Variants in SYN3 observed in about 807,000 individuals in gnomAD.
SYN3 encodes synapsin III, also known as synapsin-3.
SYN3 carries 35 observed loss-of-function variants against 65.8 expected under a neutral mutation model. That is an observed-to-expected ratio of 0.53 (90% CI 0.41 to 0.70). The LOEUF (loss-of-function observed/expected upper bound fraction) is 0.70. Ranked by LOEUF, SYN3 falls within the 30% of genes least tolerant of loss-of-function variation. SYN3 has a pLI of 0.00. For missense variants in SYN3, 680 were observed against 749.0 expected, an observed-to-expected ratio of 0.91 and a Z score of 1.08; for synonymous variants, 270 against 292.9, an observed-to-expected ratio of 0.92 and a Z score of 0.80.
intron 6 of SYN3, among the ~76,000 whole-genome samples, chr22:32,652,742 G>A (rs184806495): frequency 1.3e-5 from 2 of 152,062 alleles, no homozygotes; most frequent in South Asian, 2.1e-4. Flanking sequence ...AGAAATTGAC[G>A]CCCAAAGGGA....
At chr22:33,000,289 C>T (rs897126356) in intron 2 of SYN3, among the ~76,000 whole-genome samples, 1 of 152,208 alleles carries the variant, frequency 6.6e-6, no homozygotes, top group Non-Finnish European at 1.5e-5. Context: ...CCAGGCCTTA[C>T]ATCCTTGCCT....
chr22:32,912,568 T>G (rs765711080), intron 4 of SYN3, among the ~76,000 whole-genome samples: 12 of 151,628 alleles, frequency 7.9e-5, no homozygotes, highest in Admixed American at 7.2e-4. Flanking sequence ...AAAATAATAA[T>G]AAATTAGCCA....
chr22:32,649,979 C>T (rs1042305658), intron 6 of SYN3, among the ~76,000 whole-genome samples: 2 of 152,106 alleles, frequency 1.3e-5, no homozygotes, highest in African/African-American at 4.8e-5. Context: ...AGAAGGGGCT[C>T]ATGACTAGTA....
intron 3 of SYN3, among the ~76,000 whole-genome samples, chr22:32,974,866 T>C (rs2052136128): frequency 1.3e-5 from 2 of 152,152 alleles, no homozygotes; most frequent in South Asian, 4.1e-4. Flanking sequence ...GGAATAAAAT[T>C]TATTTCATCA....
intron 1 of SYN3, among the ~76,000 whole-genome samples, chr22:33,023,577 G>A (rs967348972): frequency 2.6e-5 from 4 of 152,154 alleles, no homozygotes; most frequent in Non-Finnish European, 5.9e-5. Context: ...TTTGCCATGG[G>A]TGGTGACACA....
intron 6 of SYN3, among the ~76,000 whole-genome samples, chr22:32,831,208 GT>G (rs1382962238): frequency 1.3e-5 from 2 of 152,138 alleles, no homozygotes; most frequent in Non-Finnish European, 2.9e-5. Context: ...GCTCCTTCCT[GT>G]TTTAAAAACA....
chr22:32,738,564 C>A (rs2061362597), intron 6 of SYN3, among the ~76,000 whole-genome samples: 1 of 152,158 alleles, frequency 6.6e-6, no homozygotes, highest in African/African-American at 2.4e-5. Context: ...CTGTTGGCTT[C>A]CTGTTGTTCT....
intron 3 of SYN3, among the ~76,000 whole-genome samples, chr22:32,937,195 G>C (rs950629985): frequency 6.6e-6 from 1 of 152,124 alleles, no homozygotes; most frequent in African/African-American, 2.4e-5. Flanking sequence ...AGAAATGGAA[G>C]TTAAAACAAC....
At chr22:32,929,010 C>T (rs537379107) in intron 4 of SYN3, among the ~76,000 whole-genome samples, 140 of 152,264 alleles carry the variant, frequency 9.2e-4, no homozygotes, top group Admixed American at 2.0e-3. Context: ...CGGCTGGTCG[C>T]GGTGGCTCAC....
chr22:32,630,597 T>G (rs572794141), intron 6 of SYN3, among the ~76,000 whole-genome samples: 1 of 152,318 alleles, frequency 6.6e-6, no homozygotes, highest in East Asian at 1.9e-4. Flanking sequence ...TTTAAAAAAC[T>G]GATGTGCACG....
chr22:33,037,573 C>G (rs1268723276), intron 1 of SYN3, among the ~76,000 whole-genome samples: 1 of 152,248 alleles, frequency 6.6e-6, no homozygotes, highest in East Asian at 1.9e-4. Context: ...CCTGCACTCT[C>G]TCTAGTGTTT....
rs1386054934 is a variant in SYN3 at position 32,837,550 on chromosome 22, A to C, written c.711+27365T>G. Among the ~76,000 whole-genome samples, 1 of 152,148 alleles carries C rather than the reference A, an allele frequency of 6.6e-6. No individual in the cohort carries two copies. The highest frequency in any genetic ancestry group is 1.5e-5 in the Non-Finnish European group (1 of 68,026). ...AGGGTACGGCGGGAGACAGAGATGC[A>C]TGAAATACTAACGTTGAAGATTAGA... On this transcript the variant is annotated intron_variant, in intron 6 of 13. Coordinates refer to ENST00000358763, the MANE Select transcript of SYN3 (RefSeq NM_003490.4). The surrounding 1 kb of genome is among the most constrained non-coding windows in gnomAD (Gnocchi z 4.1).
chr22:32,767,150 T>C (rs1164196493), intron 6 of SYN3, among the ~76,000 whole-genome samples: 2 of 152,218 alleles, frequency 1.3e-5, no homozygotes, highest in Non-Finnish European at 2.9e-5. Flanking sequence ...TTTGTGTACT[T>C]TGCACACCTG....
At chr22:32,537,991 C>T in intron 9 of SYN3, 45 bp downstream of exon 9, 1 of 1,572,846 alleles carries the variant, frequency 6.4e-7, no homozygotes, top group Non-Finnish European at 8.7e-7. Context: ...CCCTTCAGCT[C>T]CTACTATGGC....
intron 4 of SYN3, among the ~76,000 whole-genome samples, chr22:32,869,699 T>G (rs922281092): frequency 2.2e-3 from 307 of 137,344 alleles, no homozygotes; most frequent in Middle Eastern, 3.7e-3. Context: ...GGTTTTTTTT[T>G]TTTTTTTTTT....
chr22:32,844,020 C>T (rs1016276760), intron 6 of SYN3, among the ~76,000 whole-genome samples: 10 of 152,182 alleles, frequency 6.6e-5, no homozygotes, highest in Non-Finnish European at 1.0e-4. Context: ...ACTGCTCTTC[C>T]GTTGATGCTA....
At chr22:32,972,882 A>C (rs1416560191) in intron 3 of SYN3, among the ~76,000 whole-genome samples, 1 of 152,094 alleles carries the variant, frequency 6.6e-6, no homozygotes, top group African/African-American at 2.4e-5. Flanking sequence ...GGTGGTGCAC[A>C]CCTGTGGTCC....
chr22:32,792,991 C>T (rs1398380451), intron 6 of SYN3, among the ~76,000 whole-genome samples: 2 of 152,152 alleles, frequency 1.3e-5, no homozygotes, highest in African/African-American at 2.4e-5. Context: ...GTTTCCTTGA[C>T]CATAAAATGG....
At chr22:32,943,883 A>C (rs1423633081) in intron 3 of SYN3, among the ~76,000 whole-genome samples, 2 of 152,224 alleles carry the variant, frequency 1.3e-5, no homozygotes, top group Non-Finnish European at 2.9e-5. Flanking sequence ...GGATCAATTC[A>C]ACAAGAAGAG....
Sources: gnomAD v4.1 joint callset for allele counts (sites outside exome capture counted in the v4.1 genomes callset) on GRCh38, gnomAD v4.1.1 for gene constraint, Gnocchi (gnomAD v3.1) non-coding constraint, MANE v1.5 for transcripts, NCBI Gene and HGNC (gene_info 2026-07-23, HGNC 2026-07-21) for gene names.